NRG1: variants seen among roughly 807,000 people sequenced by gnomAD.
NRG1 encodes pro-neuregulin-1, membrane-bound isoform.
A neutral mutation model predicts 63.8 loss-of-function variants in NRG1; 18 were observed. That is an observed-to-expected ratio of 0.28 (90% CI 0.19 to 0.42). The LOEUF (loss-of-function observed/expected upper bound fraction) is 0.42. Among genes scored for constraint, NRG1 ranks in the 10% least tolerant of loss-of-function variants. NRG1 has a pLI of 1.00. For missense variants in NRG1, 762 were observed against 814.7 expected, an observed-to-expected ratio of 0.94 and a Z score of 0.79; for synonymous variants, 302 against 301.3, an observed-to-expected ratio of 1.00 and a Z score of -0.02.
chr8:31,903,559 G>A (rs1448899057), intron 1 of NRG1, among the ~76,000 whole-genome samples: 1 of 152,072 alleles, frequency 6.6e-6, no homozygotes, highest in Non-Finnish European at 1.5e-5. Flanking sequence ...TACTAGCATA[G>A]CACCTCTAAG....
In NRG1 at chr8:32,097,631, C is replaced by T. The variant is rs1830057206; in HGVS notation, c.37+458200C>T. ...GACATTGGGTTAGATTAGAGGGGAA[C>T]CAGGGGATGAGTACAAAAGATGAGG... On this transcript the variant is annotated intron_variant, in intron 1 of 10. Coordinates refer to the NRG1 transcript ENST00000519301. Among the ~76,000 whole-genome samples, 4 of 151,936 alleles carry T rather than the reference C, an allele frequency of 2.6e-5. No homozygotes were observed. The South Asian group carries it at 8.3e-4, about 32-fold the overall frequency.
intron 1 of NRG1, among the ~76,000 whole-genome samples, chr8:31,805,756 A>T (rs1478098679): frequency 5.0e-5 from 7 of 139,784 alleles, no homozygotes; most frequent in African/African-American, 1.9e-4. Flanking sequence ...TGAACCCTGG[A>T]GGCGGAGCTT....
At chr8:31,761,770 T>C (rs563936678) in intron 1 of NRG1, among the ~76,000 whole-genome samples, 16 of 152,280 alleles carry the variant, frequency 1.1e-4, no homozygotes, top group African/African-American at 3.8e-4. Context: ...ATAAAAATAA[T>C]GTTTGAAATA....
intron 1 of NRG1, among the ~76,000 whole-genome samples, chr8:31,802,746 T>C (rs570125007): frequency 6.6e-6 from 1 of 152,242 alleles, no homozygotes; most frequent in South Asian, 2.1e-4. Flanking sequence ...AGCATATATC[T>C]CTTGGAAAAA....
At chr8:31,718,666 C>A (rs1244993207) in intron 1 of NRG1, among the ~76,000 whole-genome samples, 1 of 152,176 alleles carries the variant, frequency 6.6e-6, no homozygotes, top group East Asian at 1.9e-4. Flanking sequence ...AGAGATATAA[C>A]ATTTCAACAA....
At chr8:32,745,677 T>G (rs1338778133) in intron 7 of NRG1, among the ~76,000 whole-genome samples, 1 of 151,804 alleles carries the variant, frequency 6.6e-6, no homozygotes, top group African/African-American at 2.4e-5. Flanking sequence ...GTGTGGGGGG[T>G]GTGTGTGTGT....
chr8:31,724,453 T>A lies in NRG1; in HGVS notation c.37+85022T>A, dbSNP rs1813226628. ...GGAGCTGAAGAGAGAAACTTGTGTT[T>A]CTTCTTTGAGTGGCAAGTGTGTTAG... On this transcript the variant is annotated intron_variant, in intron 1 of 10. Coordinates refer to the NRG1 transcript ENST00000519301. Among the ~76,000 whole-genome samples the A allele has an allele frequency of 2.6e-5, 4 of 152,164 alleles. No homozygotes were observed. In the South Asian group the frequency reaches 8.3e-4, roughly 31 times the overall value.
chr8:32,379,735 G>A (rs1036622537), intron 1 of NRG1, among the ~76,000 whole-genome samples: 1 of 152,174 alleles, frequency 6.6e-6, no homozygotes, highest in African/African-American at 2.4e-5. Context: ...GAGAGGTAAA[G>A]TGGTTTATCC....
intron 1 of NRG1, among the ~76,000 whole-genome samples, chr8:31,954,358 G>A (rs1804015716): frequency 6.6e-6 from 1 of 152,140 alleles, no homozygotes; most frequent in African/African-American, 2.4e-5. Context: ...TGGAGAGAGA[G>A]GTTGAAGAAA....
chr8:31,720,994 G>A (rs1010962796), intron 1 of NRG1, among the ~76,000 whole-genome samples: 1 of 152,048 alleles, frequency 6.6e-6, no homozygotes, highest in African/African-American at 2.4e-5. Flanking sequence ...GAAGCCAGGG[G>A]GTTTTCTCTG....
intron 1 of NRG1, among the ~76,000 whole-genome samples, chr8:32,412,434 A>ATATATGTG (rs1269039069): frequency 1.6e-3 from 62 of 39,962 alleles, no homozygotes; most frequent in Non-Finnish European, 3.2e-3. Context: ...ATATATATAT[A>ATATATGTG]TATATATATA....
chr8:32,290,756 C>A (rs978940420), intron 1 of NRG1, among the ~76,000 whole-genome samples: 1 of 152,180 alleles, frequency 6.6e-6, no homozygotes, highest in Non-Finnish European at 1.5e-5. Flanking sequence ...GCTGCAAACT[C>A]TTTTTATAAT....
At chr8:31,854,360 A>C (rs1827609240) in intron 1 of NRG1, among the ~76,000 whole-genome samples, 1 of 152,174 alleles carries the variant, frequency 6.6e-6, no homozygotes, top group Non-Finnish European at 1.5e-5. Context: ...TGTGTCCAGA[A>C]ATTTATCCAT....
intron 1 of NRG1, among the ~76,000 whole-genome samples, chr8:31,666,573 T>G (rs1806564113): frequency 6.6e-6 from 1 of 152,256 alleles, no homozygotes; most frequent in Non-Finnish European, 1.5e-5. Flanking sequence ...GGCAAAACAT[T>G]CACTGAGGTG....
chr8:32,472,149 A>G (rs560081035), intron 1 of NRG1, among the ~76,000 whole-genome samples: 1 of 152,196 alleles, frequency 6.6e-6, no homozygotes, highest in South Asian at 2.1e-4. Context: ...AGTTACTTCC[A>G]AAGACTCTGA....
At chr8:32,560,866 C>T (rs1836256662) in intron 1 of NRG1, among the ~76,000 whole-genome samples, 1 of 152,108 alleles carries the variant, frequency 6.6e-6, no homozygotes, top group African/African-American at 2.4e-5. Context: ...ATGGCCATTG[C>T]CTGGCACCTA....
intron 1 of NRG1, among the ~76,000 whole-genome samples, chr8:32,109,722 C>T (rs548061916): frequency 6.6e-6 from 1 of 152,174 alleles, no homozygotes; most frequent in South Asian, 2.1e-4. Flanking sequence ...AATGAAAGTT[C>T]CCCTTCAGTT....
chr8:32,311,807 C>G (rs1856829970), intron 1 of NRG1, among the ~76,000 whole-genome samples: 1 of 152,254 alleles, frequency 6.6e-6, no homozygotes, highest in East Asian at 1.9e-4. Context: ...GGAAAATTGC[C>G]TTTTCCAAGG....
chr8:32,004,658 G>C (rs1813463685), intron 1 of NRG1, among the ~76,000 whole-genome samples: 2 of 151,800 alleles, frequency 1.3e-5, no homozygotes, highest in Non-Finnish European at 2.9e-5. Flanking sequence ...GGAAAATATG[G>C]GAAGTATGGA....
Sources: allele counts gnomAD v4.1 joint callset (sites outside exome capture counted in the v4.1 genomes callset), GRCh38; gene constraint gnomAD v4.1.1; transcripts MANE v1.5; gene names NCBI Gene and HGNC (gene_info 2026-07-23, HGNC 2026-07-21).